Variants in TENM1 observed in about 807,000 individuals in gnomAD.
The protein encoded by TENM1 is teneurin-1.
In TENM1, 35 loss-of-function variants were observed where a neutral mutation model predicts 174.8. The ratio of observed to expected loss-of-function variants is 0.20; its 90% CI spans 0.15 to 0.27. The LOEUF is 0.27. Among genes scored for constraint, TENM1 ranks in the 10% least tolerant of loss-of-function variants. The probability of loss-of-function intolerance (pLI) is 1.00; values close to 1 mark genes in which losing one functional copy is unlikely to be tolerated. For synonymous variants in TENM1, 781 were observed against 798.7 expected (o/e 0.98, Z 0.37); for missense variants, 1,633 against 2,130.1 (o/e 0.77, Z 4.59).
chrX:124,820,009 ACTC>A (rs993807567), intron 3 of TENM1, among the ~76,000 whole-genome samples: 11 of 109,006 alleles, frequency 1.0e-4, no homozygotes, highest in Non-Finnish European at 1.5e-4. Flanking sequence ...CTGGTCTAGA[ACTC>A]CTGACCTCAA....
At chrX:125,013,758 A>G in the TENM1 span, among the ~76,000 whole-genome samples, 1 of 111,948 alleles carries the variant, frequency 8.9e-6, no homozygotes, top group African/African-American at 3.2e-5. Flanking sequence ...TGTGTTATCC[A>G]ACTTGAAAAG....
At chrX:125,121,228 T>C in the TENM1 span, among the ~76,000 whole-genome samples, 1 of 111,398 alleles carries the variant, frequency 9.0e-6, no homozygotes, top group South Asian at 3.8e-4. Context: ...CTGATCTATA[T>C]ACCAGAAGAC....
exon 32 of TENM1, chrX:124,381,250 A>G: frequency 8.3e-7 from 1 of 1,202,048 alleles, no homozygotes; most frequent in African/African-American, 1.7e-5. Flanking sequence ...AGGAAATGAA[A>G]TTCCTGAGCT....
At chrX:124,930,276 C>T (rs2058151522) in intron 1 of TENM1, among the ~76,000 whole-genome samples, 1 of 112,046 alleles carries the variant, frequency 8.9e-6, no homozygotes, top group Non-Finnish European at 1.9e-5. Flanking sequence ...TTTACATTGA[C>T]ACAAAGTAAA....
intron 22 of TENM1, among the ~76,000 whole-genome samples, chrX:124,467,929 T>C (rs2061258303): frequency 9.1e-6 from 1 of 109,931 alleles, no homozygotes. Context: ...CAGCTAATTT[T>C]TGTATTTTTA....
chrX:125,129,805 T>C, the TENM1 span, among the ~76,000 whole-genome samples: 6,196 of 111,442 alleles, frequency 0.056, 420 homozygotes, highest in African/African-American at 0.19. Flanking sequence ...AATAATATTC[T>C]ATTATGTATA....
the TENM1 span, among the ~76,000 whole-genome samples, chrX:125,180,259 G>A: frequency 1.2e-5 from 1 of 84,156 alleles, no homozygotes; most frequent in African/African-American, 4.4e-5. Context: ...AGTAGAGACG[G>A]AGTTTCACCA....
chrX:125,117,010 CAAA>C, the TENM1 span, among the ~76,000 whole-genome samples: 11 of 47,308 alleles, frequency 2.3e-4, no homozygotes, highest in African/African-American at 6.4e-4. Context: ...GACTCTGTCT[CAAA>C]AAAAAAAAAA....
the TENM1 span, among the ~76,000 whole-genome samples, chrX:125,075,999 A>G: frequency 1.8e-5 from 2 of 112,007 alleles, no homozygotes; most frequent in East Asian, 5.6e-4. Context: ...AGTGCATGGT[A>G]TATTTCCTTT....
exon 19 of TENM1, chrX:124,503,683 C>T (rs2047381915): frequency 1.7e-6 from 2 of 1,200,741 alleles, no homozygotes; most frequent in Non-Finnish European, 2.2e-6. Context: ...GGGCACGTTT[C>T]ATATTCATAT....
At chrX:125,048,181 C>T in the TENM1 span, among the ~76,000 whole-genome samples, 1 of 109,612 alleles carries the variant, frequency 9.1e-6, no homozygotes, top group Non-Finnish European at 1.9e-5. Flanking sequence ...CAGGGCAAAT[C>T]TAAACCTGTA....
At chrX:124,467,328 G>A (rs752214600) in intron 22 of TENM1, among the ~76,000 whole-genome samples, 5 of 111,919 alleles carry the variant, frequency 4.5e-5, no homozygotes, top group Admixed American at 9.5e-5. Context: ...TCCTCAGGGG[G>A]AAACTTTAAA....
At chrX:124,422,754 G>A (rs1213410691) in intron 23 of TENM1, 116 bp from the exon 27 acceptor site, 1 of 746,584 alleles carries the variant, frequency 1.3e-6, no homozygotes, top group Non-Finnish European at 1.9e-6. Flanking sequence ...ATGAATTTTA[G>A]CAACATTGGT....
At chrX:125,166,795 C>T in the TENM1 span, among the ~76,000 whole-genome samples, 3 of 111,267 alleles carry the variant, frequency 2.7e-5, no homozygotes. Flanking sequence ...GTTGTTATCT[C>T]ATTGAATTTC....
intron 18 of TENM1, among the ~76,000 whole-genome samples, chrX:124,511,674 G>T (rs755117353): frequency 1.8e-5 from 2 of 112,429 alleles, no homozygotes; most frequent in South Asian, 7.5e-4. Context: ...ATATGTGAAA[G>T]TAGTTTGCAA....
chrX:124,832,806 C>T (rs1230937326), intron 3 of TENM1, among the ~76,000 whole-genome samples: 2 of 111,967 alleles, frequency 1.8e-5, no homozygotes, highest in East Asian at 5.6e-4. Flanking sequence ...AACTTTCGGG[C>T]TCAAGAGATC....
At chrX:124,553,783 C>T (rs375763128) in intron 14 of TENM1, among the ~76,000 whole-genome samples, 5 of 111,418 alleles carry the variant, frequency 4.5e-5, no homozygotes, top group Non-Finnish European at 5.6e-5. Flanking sequence ...GCTATTTCCT[C>T]AATGACTAGA....
At chrX:124,441,786 GC>G (rs1309474113) in intron 23 of TENM1, among the ~76,000 whole-genome samples, 1 of 112,171 alleles carries the variant, frequency 8.9e-6, no homozygotes, top group African/African-American at 3.2e-5. Context: ...GGCTTTTAAT[GC>G]CATCTAATCT....
the TENM1 span, among the ~76,000 whole-genome samples, chrX:125,094,614 C>T: frequency 8.9e-6 from 1 of 111,746 alleles, no homozygotes; most frequent in Admixed American, 9.5e-5. Context: ...ATCCTATTAC[C>T]CTACTTGTCC....
Sources: allele counts gnomAD v4.1 joint callset (sites outside exome capture counted in the v4.1 genomes callset), GRCh38; gene constraint gnomAD v4.1.1; transcripts MANE v1.5; gene names NCBI Gene and HGNC (gene_info 2026-07-23, HGNC 2026-07-21).